Variants in NOSTRIN observed in about 807,000 individuals in gnomAD.
NOSTRIN encodes BM247 homolog.
In NOSTRIN, 63 loss-of-function variants were observed where a neutral mutation model predicts 59.0. That is an observed-to-expected ratio of 1.07 (90% CI 0.87 to 1.32). NOSTRIN has a LOEUF of 1.32. Among genes scored for constraint, NOSTRIN ranks in the 40% most tolerant of loss-of-function variants. The probability of loss-of-function intolerance (pLI) is 0.00; values close to 1 mark genes in which losing one functional copy is unlikely to be tolerated. For missense variants in NOSTRIN, 512 were observed against 473.1 expected (o/e 1.08, Z -0.76); for synonymous variants, 200 against 165.4 (o/e 1.21, Z -1.61).
intron 7 of NOSTRIN, among the ~76,000 whole-genome samples, chr2:168,840,970 C>T (rs541717813): frequency 2.0e-5 from 3 of 152,006 alleles, no homozygotes; most frequent in East Asian, 1.9e-4. Context: ...GTTGGAGAAT[C>T]GGCTGGGTGC....
chr2:168,802,276 C>T (rs1479358927), upstream of NOSTRIN: 1 of 225,530 alleles, frequency 4.4e-6, no homozygotes, highest in African/African-American at 2.3e-5. Context: ...ATGATTAATA[C>T]TGCAGGCTGA....
chr2:168,847,569 C>T (rs1261826730), intron 8 of NOSTRIN, among the ~76,000 whole-genome samples: 1 of 152,172 alleles, frequency 6.6e-6, no homozygotes, highest in African/African-American at 2.4e-5. Context: ...AGTACCAGCC[C>T]AAAGGCTAGG....
At position 168,823,423 on chromosome 2, in the gene NOSTRIN, G is replaced by A. The variant is rs548926380; in HGVS notation, c.114-1211G>A. 1.6e-4 allele frequency among the ~76,000 whole-genome samples: 25 copies of A among 152,284 alleles called. No homozygotes were observed. In the South Asian group the frequency reaches 3.3e-3, roughly 20 times the overall value. On this transcript the variant is annotated intron_variant, in intron 2 of 15. Coordinates refer to ENST00000317647, the MANE Select transcript of NOSTRIN (RefSeq NM_001039724.4). ...TCTGCAGGCTGGCAGTCAGAGGTGCGTTCTGAGGGCTGTGAGGGAAAATTT... is the reference window on the plus strand; with the variant it reads ...TCTGCAGGCTGGCAGTCAGAGGTGCATTCTGAGGGCTGTGAGGGAAAATTT...
chr2:168,788,890 A>G (rs1036218747), intron 2 of NOSTRIN, among the ~76,000 whole-genome samples: 4 of 120,424 alleles, frequency 3.3e-5, no homozygotes, highest in African/African-American at 9.4e-5. Flanking sequence ...CACACAGATA[A>G]AAAGATAGAT....
chr2:168,838,728 A>G (rs1345968002), intron 7 of NOSTRIN, among the ~76,000 whole-genome samples: 1 of 151,944 alleles, frequency 6.6e-6, no homozygotes. Flanking sequence ...ATCTGAGCAT[A>G]TCATTCCTTT....
chr2:168,811,932 T>A (rs566994201), intron 2 of NOSTRIN: 124 of 250,040 alleles, frequency 5.0e-4, no homozygotes, highest in African/African-American at 2.5e-3. Context: ...GGGCCCACTG[T>A]TGGATCTGAT....
intron 12 of NOSTRIN, among the ~76,000 whole-genome samples, chr2:168,857,333 C>T (rs1358980805): frequency 2.0e-5 from 3 of 152,060 alleles, no homozygotes; most frequent in African/African-American, 7.2e-5. Flanking sequence ...TCAGGGTTAT[C>T]GGAGAATAAC....
chr2:168,793,326 G>A (rs1256926268), upstream of NOSTRIN, among the ~76,000 whole-genome samples: 2 of 152,124 alleles, frequency 1.3e-5, no homozygotes, highest in Non-Finnish European at 2.9e-5. Flanking sequence ...CTAAATATTG[G>A]CCAGGCGCCA....
intron 15 of NOSTRIN, among the ~76,000 whole-genome samples, chr2:168,864,281 T>G (rs1311422851): frequency 2.3e-4 from 10 of 43,044 alleles, no homozygotes; most frequent in African/African-American, 2.0e-3. Context: ...CTGGCTGTGA[T>G]CCTGTTTTTT....
intron 2 of NOSTRIN, among the ~76,000 whole-genome samples, chr2:168,791,567 A>C (rs1387331572): frequency 6.6e-6 from 1 of 152,202 alleles, no homozygotes; most frequent in East Asian, 1.9e-4. Flanking sequence ...GAATTGCCAC[A>C]CTGTCTTCCA....
intron 8 of NOSTRIN, among the ~76,000 whole-genome samples, chr2:168,845,790 C>CTTTTT (rs3216710): frequency 5.7e-5 from 8 of 140,628 alleles, no homozygotes; most frequent in Admixed American, 7.1e-5. Flanking sequence ...TTTTTTCTTC[C>CTTTTT]TTTTTTTTTT....
intron 3 of NOSTRIN, among the ~76,000 whole-genome samples, chr2:168,825,270 C>A (rs1209339604): frequency 1.3e-5 from 2 of 152,182 alleles, no homozygotes; most frequent in Non-Finnish European, 2.9e-5. Context: ...GGACTTGAGA[C>A]AGAAAGTTCA....
intron 3 of NOSTRIN, among the ~76,000 whole-genome samples, chr2:168,827,138 C>T (rs907914379): frequency 2.6e-5 from 4 of 151,034 alleles, no homozygotes; most frequent in African/African-American, 9.8e-5. Flanking sequence ...TGCAGATCCA[C>T]CCCCTTCCTC....
chr2:168,791,499 A>G lies in NOSTRIN; in HGVS notation c.-473+3451A>G, dbSNP rs201003240. Among the ~76,000 whole-genome samples, 49 of 152,338 alleles carry G rather than the reference A, an allele frequency of 3.2e-4. 1 individual carries two copies. In the East Asian group the frequency reaches 7.7e-3, roughly 24 times the overall value. On this transcript the variant is annotated intron_variant, in intron 2 of 20. Transcript: ENST00000458381. ...CAGCATGATTTATAATCCTTTGGGT[A>G]TATACCCAGTAATGGCATGGCTGGG...
intron 5 of NOSTRIN, among the ~76,000 whole-genome samples, chr2:168,829,617 G>A (rs546907684): frequency 3.3e-5 from 5 of 152,262 alleles, no homozygotes; most frequent in East Asian, 3.9e-4. Flanking sequence ...CACTGCCCTC[G>A]GCCTAGAACA....
chr2:168,809,292 C>A (rs1686018888), intron 1 of NOSTRIN, among the ~76,000 whole-genome samples: 1 of 152,100 alleles, frequency 6.6e-6, no homozygotes, highest in African/African-American at 2.4e-5. Flanking sequence ...CCTTCATTTT[C>A]AAGTCCAGAA....
intron 2 of NOSTRIN, among the ~76,000 whole-genome samples, chr2:168,822,752 C>T (rs771411241): frequency 6.6e-6 from 1 of 152,098 alleles, no homozygotes; most frequent in Non-Finnish European, 1.5e-5. Context: ...TCAATCTATC[C>T]AAAAGAACCA....
chr2:168,847,227 C>G (rs997795084), intron 8 of NOSTRIN, among the ~76,000 whole-genome samples: 1 of 152,092 alleles, frequency 6.6e-6, no homozygotes, highest in Non-Finnish European at 1.5e-5. Context: ...AAGATAAAAT[C>G]ATACATATAC....
intron 7 of NOSTRIN, among the ~76,000 whole-genome samples, chr2:168,840,081 TG>T (rs1559127657): frequency 6.6e-6 from 1 of 151,822 alleles, no homozygotes; most frequent in Non-Finnish European, 1.5e-5. Context: ...TTCTCATTCC[TG>T]GGGTGCTGAG....
Sources: allele counts gnomAD v4.1 joint callset (sites outside exome capture counted in the v4.1 genomes callset), GRCh38; gene constraint gnomAD v4.1.1; transcripts MANE v1.5; gene names NCBI Gene and HGNC (gene_info 2026-07-23, HGNC 2026-07-21).